Variants in ADAMTSL1 observed in about 807,000 individuals in gnomAD.
The protein encoded by ADAMTSL1 is ADAMTS like 1.
ADAMTSL1 carries 126 observed loss-of-function variants against 201.8 expected under a neutral mutation model. The ratio of observed to expected loss-of-function variants is 0.62; its 90% CI spans 0.54 to 0.72. ADAMTSL1 has a LOEUF of 0.72. Ranked by LOEUF, ADAMTSL1 falls within the 30% of genes least tolerant of loss-of-function variation. ADAMTSL1 has a pLI of 0.00. For synonymous variants in ADAMTSL1, 1,121 were observed against 903.4 expected (o/e 1.24, Z -4.32); for missense variants, 2,679 against 2,277.8 (o/e 1.18, Z -3.59).
chr9:18,317,554 T>C (rs576416037), intron 2 of ADAMTSL1, among the ~76,000 whole-genome samples: 38 of 152,324 alleles, frequency 2.5e-4, no homozygotes, highest in Middle Eastern at 3.4e-3. Context: ...AATTTTTGTT[T>C]GTCAATTATG....
Position 18,337,066 on chromosome 9 carries a change from T to C in ADAMTSL1, c.208-167763T>C, listed in dbSNP as rs1835270662. Among the ~76,000 whole-genome samples, 4 of 152,236 alleles carry C rather than the reference T, an allele frequency of 2.6e-5. No homozygotes were observed. In the South Asian group the frequency reaches 8.3e-4, roughly 32 times the overall value. The stretch of plus-strand genomic sequence containing the variant: ...TTGATCCTAGGTGTGTCTGTGAGGG[T>C]GTTGCCCAAGGAGATTAACACTTGA... On this transcript the variant is annotated intron_variant, in intron 2 of 29. Transcript: ENST00000680146.
intron 1 of ADAMTSL1, among the ~76,000 whole-genome samples, chr9:18,032,571 C>G (rs1211978629): frequency 6.6e-6 from 1 of 152,176 alleles, no homozygotes; most frequent in Non-Finnish European, 1.5e-5. Context: ...TAGCCCTGCT[C>G]TCTGCTGGCT....
chr9:18,140,210 T>C (rs1035169114), intron 1 of ADAMTSL1, among the ~76,000 whole-genome samples: 2 of 152,018 alleles, frequency 1.3e-5, no homozygotes, highest in African/African-American at 4.8e-5. Context: ...AAAGAAGCCA[T>C]TGAAGTGGGA....
intron 1 of ADAMTSL1, among the ~76,000 whole-genome samples, chr9:17,975,117 A>G (rs957748942): frequency 3.3e-5 from 5 of 152,000 alleles, no homozygotes; most frequent in Non-Finnish European, 5.9e-5. Context: ...GAAAGTCGTG[A>G]TGTCAAGCAT....
chr9:18,835,742 G>A (rs1370639838), intron 23 of ADAMTSL1, among the ~76,000 whole-genome samples: 2 of 152,066 alleles, frequency 1.3e-5, no homozygotes, highest in South Asian at 2.1e-4. Context: ...CTGCTTCTAA[G>A]TGAGAACATG....
intron 19 of ADAMTSL1, among the ~76,000 whole-genome samples, chr9:18,785,751 A>G (rs1821674137): frequency 6.6e-6 from 1 of 152,216 alleles, no homozygotes; most frequent in Non-Finnish European, 1.5e-5. Context: ...GGCTTACGTA[A>G]TATGGACAAA....
chr9:18,258,916 C>T (rs887437384), intron 2 of ADAMTSL1, among the ~76,000 whole-genome samples: 1 of 152,168 alleles, frequency 6.6e-6, no homozygotes, highest in Non-Finnish European at 1.5e-5. Flanking sequence ...TCAGCAATGA[C>T]CTTCATCTTA....
At chr9:18,577,878 A>C (rs996111000) in intron 4 of ADAMTSL1, among the ~76,000 whole-genome samples, 1 of 152,220 alleles carries the variant, frequency 6.6e-6, no homozygotes, top group Non-Finnish European at 1.5e-5. Context: ...TTCACAATTG[A>C]AACGTTCATC....
chr9:18,000,530 C>G (rs1472384589), intron 1 of ADAMTSL1, among the ~76,000 whole-genome samples: 2 of 152,140 alleles, frequency 1.3e-5, no homozygotes, highest in African/African-American at 4.8e-5. Context: ...TCCTTTCTCT[C>G]TGCCATAGGG....
intron 13 of ADAMTSL1, among the ~76,000 whole-genome samples, chr9:18,691,550 A>G (rs572632318): frequency 3.3e-5 from 5 of 152,322 alleles, no homozygotes; most frequent in African/African-American, 1.2e-4. Context: ...TTTCAGATGC[A>G]TTAAGCTGCC....
At chr9:18,486,419 G>T (rs1821997296) in intron 1 of ADAMTSL1, among the ~76,000 whole-genome samples, 1 of 152,138 alleles carries the variant, frequency 6.6e-6, no homozygotes, top group Admixed American at 6.5e-5. Context: ...GGCAATCCTG[G>T]CCTAGCCAGC....
At position 18,706,970 on chromosome 9, in the gene ADAMTSL1, G is replaced by C. The variant is rs759212406; in HGVS notation, c.1798G>C (p.Gly600Arg). The C allele has an allele frequency of 1.9e-6, 3 of 1,613,972 alleles. No homozygotes were observed. Among genetic ancestry groups the C allele is most frequent in the Non-Finnish European group, 2.5e-6 (3 of 1,179,888 alleles). ...FNPDETDGLF[G>R]GLQDFDELYD... ...CCCAGACGAGACAGATGGGCTCTTT[G>C]GTGGCCTGCAGGATTTCGACGAGCT... The change falls in exon 14 of 29, where the codon GGT (glycine) becomes CGT (arginine). Residue 600 changes from glycine (G) to arginine (R), a missense_variant. By Grantham distance (125) the Gly-to-Arg change is moderately radical. Coordinates refer to ENST00000380548, the MANE Select transcript of ADAMTSL1 (RefSeq NM_001040272.6).
chr9:18,011,423 C>G (rs1348327735), intron 1 of ADAMTSL1, among the ~76,000 whole-genome samples: 3 of 151,936 alleles, frequency 2.0e-5, no homozygotes, highest in Non-Finnish European at 4.4e-5. Flanking sequence ...TTACCCCCTG[C>G]AAGTGGTGAA....
chr9:18,543,519 T>C (rs1037177619), intron 3 of ADAMTSL1, among the ~76,000 whole-genome samples: 1 of 152,168 alleles, frequency 6.6e-6, no homozygotes, highest in Non-Finnish European at 1.5e-5. Context: ...CTAAATGCAA[T>C]TGTACAGCAT....
chr9:17,975,653 A>G (rs971857331), intron 1 of ADAMTSL1, among the ~76,000 whole-genome samples: 1 of 152,056 alleles, frequency 6.6e-6, no homozygotes, highest in East Asian at 1.9e-4. Flanking sequence ...GTTTTTTGCC[A>G]TTCTGAAGGT....
intron 1 of ADAMTSL1, among the ~76,000 whole-genome samples, chr9:18,041,347 T>C (rs983307074): frequency 6.6e-6 from 1 of 152,228 alleles, no homozygotes; most frequent in Non-Finnish European, 1.5e-5. Flanking sequence ...AAATATTTAA[T>C]GGTGCTAGTT....
At chr9:18,748,992 C>T (rs1318762081) in intron 15 of ADAMTSL1, among the ~76,000 whole-genome samples, 1 of 152,180 alleles carries the variant, frequency 6.6e-6, no homozygotes, top group Non-Finnish European at 1.5e-5. Context: ...CTTGTAGATG[C>T]ATCGCTCCAG....
intron 2 of ADAMTSL1, among the ~76,000 whole-genome samples, chr9:18,432,319 G>A (rs1819528961): frequency 6.6e-6 from 1 of 152,194 alleles, no homozygotes; most frequent in South Asian, 2.1e-4. Flanking sequence ...CAGCACATAA[G>A]AAGTGCTCAA....
chr9:18,695,380 T>G (rs1230178414), intron 13 of ADAMTSL1, among the ~76,000 whole-genome samples: 1 of 152,278 alleles, frequency 6.6e-6, no homozygotes, highest in African/African-American at 2.4e-5. Flanking sequence ...AGAAAATGGG[T>G]TTTTCTTTTC....
Sources: allele counts gnomAD v4.1 joint callset (sites outside exome capture counted in the v4.1 genomes callset), GRCh38; gene constraint gnomAD v4.1.1; transcripts MANE v1.5; gene names NCBI Gene and HGNC (gene_info 2026-07-23, HGNC 2026-07-21).